Variants in HDAC8 observed in about 807,000 individuals in gnomAD.
HDAC8 encodes histone deacetylase-like 1.
In HDAC8, 1 loss-of-function variant was observed where a neutral mutation model predicts 32.2. The ratio of observed to expected loss-of-function variants is 0.03; its 90% confidence interval spans 0.01 to 0.15. The LOEUF (loss-of-function observed/expected upper bound fraction) is 0.15. Among genes scored for constraint, HDAC8 ranks in the 10% least tolerant of loss-of-function variants. The pLI, the probability that HDAC8 is intolerant of heterozygous loss-of-function variation, is 1.00. For synonymous variants in HDAC8, 108 were observed against 113.9 expected, an observed-to-expected ratio of 0.95 and a Z score of 0.33; for missense variants, 117 against 300.0, an observed-to-expected ratio of 0.39 and a Z score of 4.51.
chrX:72,527,769 C>A (rs1450159974), intron 4 of HDAC8, among the ~76,000 whole-genome samples: 3 of 106,200 alleles, frequency 2.8e-5, no homozygotes, highest in Middle Eastern at 4.3e-3. Flanking sequence ...ACCTTTCTGA[C>A]CTCTTTTTTT....
chrX:72,462,408 C>G (rs782662134), intron 8 of HDAC8: 12 of 182,173 alleles, frequency 6.6e-5, no homozygotes, highest in Non-Finnish European at 1.1e-4. Context: ...ATCAGCAAGA[C>G]TCAGATCTCT....
chrX:72,486,828 C>T (rs2048692062), intron 7 of HDAC8, among the ~76,000 whole-genome samples: 1 of 111,946 alleles, frequency 8.9e-6, no homozygotes, highest in Non-Finnish European at 1.9e-5. Context: ...GGTATTAATC[C>T]AACAGATAGG....
chrX:72,387,330 C>G (rs782163567), intron 9 of HDAC8, among the ~76,000 whole-genome samples: 1 of 112,045 alleles, frequency 8.9e-6, no homozygotes, highest in African/African-American at 3.2e-5. Flanking sequence ...TGTGCTATCT[C>G]GTGCTTAAGG....
At chrX:72,529,805 G>T (rs931679156) in intron 4 of HDAC8, among the ~76,000 whole-genome samples, 1 of 111,768 alleles carries the variant, frequency 8.9e-6, no homozygotes, top group African/African-American at 3.3e-5. Context: ...GTGTCCCCCA[G>T]TGTTGTAGGG....
intron 9 of HDAC8, among the ~76,000 whole-genome samples, chrX:72,432,859 CAATA>C (rs1555977923): frequency 5.4e-5 from 6 of 111,584 alleles, no homozygotes; most frequent in Non-Finnish European, 7.5e-5. Context: ...TGTTAGTATT[CAATA>C]AATAGTCACT....
At chrX:72,369,175 G>A (rs1351560927) in intron 9 of HDAC8, among the ~76,000 whole-genome samples, 1 of 104,839 alleles carries the variant, frequency 9.5e-6, no homozygotes, top group Non-Finnish European at 1.9e-5. Flanking sequence ...AGATAGCATC[G>A]TTTAGTACAT....
At chrX:72,545,662 G>A (rs1192232191) in intron 4 of HDAC8, among the ~76,000 whole-genome samples, 1 of 111,919 alleles carries the variant, frequency 8.9e-6, no homozygotes, top group Non-Finnish European at 1.9e-5. Flanking sequence ...CTATGCTGGT[G>A]GCTGGCCAGG....
chrX:72,446,350 C>A (rs1296201975), intron 9 of HDAC8, among the ~76,000 whole-genome samples: 12 of 111,657 alleles, frequency 1.1e-4, no homozygotes, highest in Non-Finnish European at 2.3e-4. Context: ...GAATACTATG[C>A]AGCCATAAAA....
chrX:72,405,928 T>C (rs972445268), intron 9 of HDAC8, among the ~76,000 whole-genome samples: 1 of 112,578 alleles, frequency 8.9e-6, no homozygotes, highest in East Asian at 2.8e-4. Context: ...TCATTTTTGA[T>C]AGTCTCTTGC....
At chrX:72,437,692 G>A (rs1042081685) in intron 9 of HDAC8, among the ~76,000 whole-genome samples, 3 of 111,769 alleles carry the variant, frequency 2.7e-5, no homozygotes, top group South Asian at 3.7e-4. Flanking sequence ...TTGAGTAGGC[G>A]GTTTTCCACT....
intron 9 of HDAC8, among the ~76,000 whole-genome samples, chrX:72,427,602 T>TGGGGGGGGGGG (rs58102359): frequency 3.0e-5 from 1 of 32,962 alleles, no homozygotes; most frequent in Non-Finnish European, 1.2e-4. Flanking sequence ...TGTTGTGGGG[T>TGGGGGGGGGGG]GGGGGGGGGG....
At chrX:72,338,939 T>C (rs782261372) in intron 10 of HDAC8, among the ~76,000 whole-genome samples, 11 of 109,467 alleles carry the variant, frequency 1.0e-4, no homozygotes, top group African/African-American at 3.6e-4. Context: ...ATACCTATTT[T>C]GGCCTCATCT....
intron 9 of HDAC8, among the ~76,000 whole-genome samples, chrX:72,356,904 G>C (rs782315848): frequency 9.0e-6 from 1 of 111,032 alleles, no homozygotes; most frequent in South Asian, 3.9e-4. Flanking sequence ...TTTTAAATGA[G>C]GGAATGAAGA....
intron 7 of HDAC8, among the ~76,000 whole-genome samples, chrX:72,486,567 C>T (rs1216960809): frequency 1.8e-5 from 2 of 111,513 alleles, no homozygotes; most frequent in African/African-American, 3.3e-5. Context: ...GCCCCAGCTA[C>T]TTGGGAAGCT....
intron 7 of HDAC8, among the ~76,000 whole-genome samples, chrX:72,465,254 T>C (rs1239968681): frequency 9.0e-6 from 1 of 111,645 alleles, no homozygotes; most frequent in African/African-American, 3.3e-5. Context: ...TAAAGGGTTA[T>C]GAAATGCAAT....
At position 72,329,861 on chromosome X, in the gene HDAC8, T is replaced by G; in HGVS notation, c.*193A>C. The G allele has an allele frequency of 1.1e-6, 1 of 879,812 alleles. No individual in the cohort carries two copies. Among genetic ancestry groups the G allele is most frequent in the Non-Finnish European group, 1.6e-6 (1 of 624,138 alleles). The allele number at this position is 879,812 out of a possible 1,213,427, so 72.5% of individuals were successfully genotyped here. ...ATCTCCTTCTTCCCCTAGGTCCAGTTGAGGACTCTGGGGTGCCTGCCTCTT... is the reference window on the plus strand; with the variant it reads ...ATCTCCTTCTTCCCCTAGGTCCAGTGGAGGACTCTGGGGTGCCTGCCTCTT... On this transcript the variant is annotated 3_prime_UTR_variant, in exon 11 of 11. Coordinates refer to ENST00000373573, the MANE Select transcript of HDAC8 (RefSeq NM_018486.3).
chrX:72,556,981 C>T (rs781890777), intron 4 of HDAC8, among the ~76,000 whole-genome samples: 1 of 112,016 alleles, frequency 8.9e-6, no homozygotes, highest in South Asian at 3.7e-4. Flanking sequence ...CTTTGGGAGG[C>T]CGAGACGGGT....
intron 5 of HDAC8, 25 bp downstream of exon 5, chrX:72,495,131 G>A: frequency 9.3e-7 from 1 of 1,075,231 alleles, no homozygotes; most frequent in East Asian, 3.0e-5. Context: ...TCGCAGCAAA[G>A]CATCTTTAAA....
chrX:72,484,768 A>G (rs1300586881), intron 7 of HDAC8, among the ~76,000 whole-genome samples: 1 of 111,794 alleles, frequency 8.9e-6, no homozygotes, highest in African/African-American at 3.3e-5. Context: ...ATTTATCAAA[A>G]TCTCCCTTTA....
Sources: allele counts gnomAD v4.1 joint callset (sites outside exome capture counted in the v4.1 genomes callset), GRCh38; gene constraint gnomAD v4.1.1; transcripts MANE v1.5; gene names NCBI Gene and HGNC (gene_info 2026-07-23, HGNC 2026-07-21).